Variants in FMN1 observed in about 807,000 individuals in gnomAD.
FMN1 encodes the protein formin-1.
A neutral mutation model predicts 132.4 loss-of-function variants in FMN1; 110 were observed. That is an observed-to-expected ratio of 0.83 (90% CI 0.71 to 0.97). The LOEUF (loss-of-function observed/expected upper bound fraction) is 0.97, where lower values mean the gene tolerates loss of function less well. Ranked by LOEUF, FMN1 falls within the 50% of genes least tolerant of loss-of-function variation. FMN1 has a pLI of 0.00. For missense variants in FMN1, 1,792 were observed against 1,705.3 expected, an observed-to-expected ratio of 1.05 and a Z score of -0.90; for synonymous variants, 722 against 651.7, an observed-to-expected ratio of 1.11 and a Z score of -1.64.
At chr15:32,882,687 T>A (rs1198571765) in intron 16 of FMN1, among the ~76,000 whole-genome samples, 3 of 152,108 alleles carry the variant, frequency 2.0e-5, no homozygotes, top group African/African-American at 4.8e-5. Flanking sequence ...TAAGAAAAAA[T>A]TTTTTAGTGT....
chr15:33,062,786 A>G (rs2037546380), intron 6 of FMN1: 1 of 152,184 alleles, frequency 6.6e-6, no homozygotes, highest in African/African-American at 2.4e-5. Context: ...ATTTTTCTGG[A>G]TATCTTCAAA....
At chr15:32,782,905 AAATC>A in intron 19 of FMN1, among the ~76,000 whole-genome samples, 1 of 152,224 alleles carries the variant, frequency 6.6e-6, no homozygotes, top group Non-Finnish European at 1.5e-5. Flanking sequence ...CAGAAAGAGA[AAATC>A]AAATACTGCA....
intron 6 of FMN1, among the ~76,000 whole-genome samples, chr15:33,044,306 G>A (rs2036577981): frequency 6.6e-6 from 1 of 152,222 alleles, no homozygotes; most frequent in Non-Finnish European, 1.5e-5. Context: ...TCCCTAGTGA[G>A]GCCCCACCTT....
intron 9 of FMN1, among the ~76,000 whole-genome samples, chr15:32,958,951 A>T (rs2030171955): frequency 6.6e-6 from 1 of 151,466 alleles, no homozygotes; most frequent in Non-Finnish European, 1.5e-5. Flanking sequence ...CTGAGGCAGG[A>T]CAATCGGCTT....
At chr15:32,952,865 AAGGG>A (rs1328987748) in intron 9 of FMN1, among the ~76,000 whole-genome samples, 2 of 152,312 alleles carry the variant, frequency 1.3e-5, no homozygotes, top group Non-Finnish European at 2.9e-5. Flanking sequence ...TCTTGTGGCG[AAGGG>A]AGGGATCAAA....
intron 17 of FMN1, among the ~76,000 whole-genome samples, chr15:32,828,099 C>T (rs1413349007): frequency 6.6e-6 from 1 of 152,120 alleles, no homozygotes; most frequent in Non-Finnish European, 1.5e-5. Context: ...TTGAAACCAG[C>T]CTGACCAACA....
chr15:33,089,024 A>C (rs1046783724), intron 4 of FMN1, 50 bp from the exon 5 acceptor site: 1 of 1,461,124 alleles, frequency 6.8e-7, no homozygotes, highest in Non-Finnish European at 9.1e-7. Flanking sequence ...CAAATAAATA[A>C]ATAAATAAAG....
rs762525591 is a variant in FMN1 at position 32,776,806 on chromosome 15, G to A, written c.4215+29C>T. ...GCGCACCTCAATTTTCATGACAATC[G>A]TTAGATTATGTTGAAAAATATATCT... On this transcript the variant is annotated intron_variant, in intron 20 of 20. Coordinates refer to ENST00000616417, the MANE Select transcript of FMN1 (RefSeq NM_001277313.2). 16 of 1,384,312 alleles carry A rather than the reference G, an allele frequency of 1.2e-5. No homozygotes were observed. In the Admixed American group the frequency reaches 1.3e-4, roughly 12 times the overall value. 85.8% of individuals were successfully genotyped at this position (1,384,312 alleles called of 1,614,324 possible). A position where few individuals can be genotyped will look rare whatever the true frequency, so the allele number is the denominator to read the frequency against.
intron 13 of FMN1, among the ~76,000 whole-genome samples, chr15:32,900,647 G>A (rs897397957): frequency 2.0e-5 from 3 of 152,166 alleles, no homozygotes; most frequent in Non-Finnish European, 4.4e-5. Context: ...AAGGCTGTAG[G>A]CCATCTTTAA....
chr15:33,187,658 G>C (rs1366370547), intron 2 of FMN1, among the ~76,000 whole-genome samples: 1 of 152,210 alleles, frequency 6.6e-6, no homozygotes, highest in Non-Finnish European at 1.5e-5. Context: ...GGGTGCTACA[G>C]AGTAACCCAT....
chr15:33,065,751 C>A (rs748364198), intron 5 of FMN1, among the ~76,000 whole-genome samples: 3 of 152,108 alleles, frequency 2.0e-5, no homozygotes, highest in Admixed American at 6.5e-5. Context: ...TGATATTAAG[C>A]AAGAAATTCT....
At chr15:32,981,569 T>C (rs2032680217) in intron 7 of FMN1, among the ~76,000 whole-genome samples, 1 of 143,530 alleles carries the variant, frequency 7.0e-6, no homozygotes, top group Non-Finnish European at 1.5e-5. Context: ...ATTATTACAT[T>C]CTGTGCTAAC....
At chr15:32,973,362 T>C (rs2031941205) in intron 7 of FMN1, among the ~76,000 whole-genome samples, 1 of 152,108 alleles carries the variant, frequency 6.6e-6, no homozygotes, top group African/African-American at 2.4e-5. Flanking sequence ...CCTCTTCCAA[T>C]ACCCTTCCTC....
rs569156628 is a variant in FMN1 at position 33,172,287 on chromosome 15, T to A, written c.-132+7911A>T. 2.8e-4 allele frequency among the ~76,000 whole-genome samples: 42 copies of A among 152,274 alleles called. No homozygotes were observed. The Middle Eastern group carries it at 0.01, about 37-fold the overall frequency. ...TTTTATGGTATTAATGAAAATTTGA[T>A]GTAATTACTAAAGTACTAAGAGGTG... On this transcript the variant is annotated intron_variant, in intron 3 of 20. Coordinates refer to ENST00000616417, the MANE Select transcript of FMN1 (RefSeq NM_001277313.2).
intron 5 of FMN1, among the ~76,000 whole-genome samples, chr15:33,065,722 T>C (rs2037694250): frequency 6.6e-6 from 1 of 152,208 alleles, no homozygotes; most frequent in African/African-American, 2.4e-5. Context: ...ATAGGAGGAA[T>C]GATAGTCATA....
At chr15:33,127,974 G>A (rs529397619) in intron 4 of FMN1, among the ~76,000 whole-genome samples, 10 of 152,170 alleles carry the variant, frequency 6.6e-5, no homozygotes, top group Non-Finnish European at 1.5e-4. Flanking sequence ...AAGGGGAAAG[G>A]AAGGTAACAG....
chr15:32,927,873 C>T (rs2061001811), intron 9 of FMN1, among the ~76,000 whole-genome samples: 2 of 152,216 alleles, frequency 1.3e-5, no homozygotes, highest in Non-Finnish European at 1.5e-5. Flanking sequence ...AACAGCTGTG[C>T]TTTCCTTCCC....
intron 16 of FMN1, among the ~76,000 whole-genome samples, chr15:32,875,508 G>A (rs1038810471): frequency 1.3e-5 from 2 of 151,770 alleles, no homozygotes. Context: ...CTGGAACCAG[G>A]GCTGTCAATT....
chr15:32,888,592 C>A (rs1212449844), intron 15 of FMN1, among the ~76,000 whole-genome samples: 1 of 152,204 alleles, frequency 6.6e-6, no homozygotes, highest in Non-Finnish European at 1.5e-5. Context: ...ACACTCCACT[C>A]CCATGAAAAA....
Sources: allele counts gnomAD v4.1 joint callset (sites outside exome capture counted in the v4.1 genomes callset), GRCh38; gene constraint gnomAD v4.1.1; transcripts MANE v1.5; gene names NCBI Gene and HGNC (gene_info 2026-07-23, HGNC 2026-07-21).